The following GALNT9 variants were observed in gnomAD, a reference collection of about 807,000 sequenced individuals.
GALNT9 encodes GalNAc transferase 9.
Under a neutral mutation model 63.1 loss-of-function variants are expected in GALNT9, and 47 were observed. That is an observed-to-expected ratio of 0.75 (90% CI 0.59 to 0.95). The LOEUF is 0.95. Ranked by LOEUF, GALNT9 falls within the 40% of genes least tolerant of loss-of-function variation. The pLI is 0.00. For missense variants in GALNT9, 829 were observed against 874.8 expected, an observed-to-expected ratio of 0.95 and a Z score of 0.66; for synonymous variants, 396 against 365.7, an observed-to-expected ratio of 1.08 and a Z score of -0.94.
At chr12:132,317,688 C>T (rs28650030) in intron 1 of GALNT9, among the ~76,000 whole-genome samples, 203 of 152,354 alleles carry the variant, frequency 1.3e-3, no homozygotes, top group Middle Eastern at 3.4e-3. Flanking sequence ...AGACCCCCCT[C>T]GCTCAGTAGA....
intron 1 of GALNT9, among the ~76,000 whole-genome samples, chr12:132,303,191 C>T (rs907144246): frequency 7.9e-5 from 12 of 152,138 alleles, no homozygotes; most frequent in African/African-American, 2.2e-4. Flanking sequence ...CCTCCACCGC[C>T]GGGATGCAGT....
chr12:132,203,914 T>TCTTTCTCTTGTGC (rs1876429930), intron 6 of GALNT9, among the ~76,000 whole-genome samples: 1 of 151,944 alleles, frequency 6.6e-6, no homozygotes, highest in Admixed American at 6.5e-5. Context: ...CTCTGGGACT[T>TCTTTCTCTTGTGC]CTTTCTCTTG....
chr12:132,248,072 T>G (rs1555238254), intron 5 of GALNT9, 45 bp from the exon 6 acceptor site: 2 of 1,519,264 alleles, frequency 1.3e-6, no homozygotes, highest in South Asian at 2.6e-5. Context: ...CATGCAGGCC[T>G]GAGCCCTGCC....
rs185841749 is a variant in GALNT9 at position 132,197,945 on chromosome 12, G to A, written c.1512C>T (p.Ser504=). 521 of 1,609,716 alleles carry A rather than the reference G, an allele frequency of 3.2e-4. 3 individuals are homozygous for A. The highest frequency in any genetic ancestry group is 3.1e-3 in the African/African-American group (231 of 75,024). The change falls in exon 10 of 11, where the codon AGC becomes AGT. Residue 504 remains serine, a synonymous_variant. Coordinates refer to ENST00000328957, the MANE Select transcript of GALNT9 (RefSeq NM_001122636.2). ...HGMSSQLVRY[S]ADGLLQLGPL... ...GCCCCAGCTGCAGCAGTCCATCAGC[G>A]CTGTACCGCACCAGCTGGGGACAGG... is the stretch of plus-strand genomic sequence containing the variant.
Position 132,236,509 on chromosome 12 carries a change from C to T in GALNT9, c.1077+11401G>A, listed in dbSNP as rs1243318025. ...AATCATCACAGACGTGGGGGGATGG[C>T]GTCTCTCCCTCCCCCAGCCCTTTCC... is the stretch of plus-strand genomic sequence containing the variant. On this transcript the variant is annotated intron_variant, in intron 6 of 10. Transcript: ENST00000328957. The surrounding 1 kb of genome is among the most constrained non-coding windows in gnomAD (Gnocchi z 5.6). 6.6e-6 allele frequency among the ~76,000 whole-genome samples: 1 copy of T among 152,090 alleles called. No individual in the cohort carries two copies. The highest frequency in any genetic ancestry group is 2.1e-4 in the South Asian group (1 of 4,822).
chr12:132,239,083 G>A (rs1367641682), intron 6 of GALNT9, among the ~76,000 whole-genome samples: 1 of 151,702 alleles, frequency 6.6e-6, no homozygotes, highest in Non-Finnish European at 1.5e-5. Flanking sequence ...AAGCTTAGAA[G>A]AGAACGGGGG....
chr12:132,266,156 G>T lies in GALNT9; in HGVS notation c.420-3531C>A, dbSNP rs944075548. Among the ~76,000 whole-genome samples the T allele has an allele frequency of 1.3e-4, 20 of 151,060 alleles. No homozygotes were observed. In the East Asian group the frequency reaches 3.3e-3, roughly 25 times the overall value. On this transcript the variant is annotated intron_variant, in intron 2 of 10. Coordinates refer to ENST00000328957, the MANE Select transcript of GALNT9 (RefSeq NM_001122636.2). ...CGGGCCTGTCTGCCTTTACACGCCTGACCTCGCCGTATTTCATGAACAGGC... is the reference window on the plus strand; with the variant it reads ...CGGGCCTGTCTGCCTTTACACGCCTTACCTCGCCGTATTTCATGAACAGGC...
chr12:132,309,337 C>T (rs956280054), intron 1 of GALNT9, among the ~76,000 whole-genome samples: 3 of 152,162 alleles, frequency 2.0e-5, no homozygotes, highest in African/African-American at 4.8e-5. Context: ...GTGGACCTCA[C>T]GCAGCCGCCC....
chr12:132,304,629 CGGGG>C lies in GALNT9; in HGVS notation c.239-18203_239-18200del, dbSNP rs1881492240. ...CAGCCTCACCCGGGCACAGCCTCAC[CGGGG>C]CACACCCTCGCCCGGACACACCCTC... is the stretch of plus-strand genomic sequence containing the variant. On this transcript the variant is annotated intron_variant, in intron 1 of 10. Coordinates refer to ENST00000328957, the MANE Select transcript of GALNT9 (RefSeq NM_001122636.2). Among the ~76,000 whole-genome samples the C allele has an allele frequency of 7.4e-5, 3 of 40,342 alleles. 1 individual carries two copies. The highest frequency in any genetic ancestry group is 1.3e-4 in the Non-Finnish European group (3 of 22,824). 26.5% of individuals were successfully genotyped at this position (40,342 alleles called of 152,430 possible).
In GALNT9 at chr12:132,196,423, G is replaced by A. The variant is rs899653381; in HGVS notation, c.*684C>T. 8 of 985,108 alleles carry A rather than the reference G, an allele frequency of 8.1e-6. No homozygotes were observed. The highest frequency in any genetic ancestry group is 5.2e-4 in the Middle Eastern group (1 of 1,936). The allele number at this position is 985,108 out of a possible 1,614,324, so 61.0% of individuals were successfully genotyped here. A position where few individuals can be genotyped will look rare whatever the true frequency, so the allele number is the denominator to read the frequency against. ...TTTATTAAAACAGGCAAGGGGCTGG[G>A]CTGCGGCAGGGCCCAGGTGCCTGGG... is the stretch of plus-strand genomic sequence containing the variant. On this transcript the variant is annotated 3_prime_UTR_variant, in exon 11 of 11. Coordinates refer to ENST00000328957, the MANE Select transcript of GALNT9 (RefSeq NM_001122636.2).
rs757710977 is a variant in GALNT9, at chr12:132,203,634, G to A, written c.1134C>T (p.Ile378=). 1.3e-5 allele frequency: 21 copies of A among 1,613,786 alleles called. No individual in the cohort carries two copies. In the East Asian group the frequency reaches 2.7e-4, roughly 21 times the overall value. Residue 378 remains isoleucine (I), a synonymous_variant, in exon 7 of 11, where the codon ATC becomes ATT. Transcript: ENST00000328957. ...EVLPCSRVAH[I]ERTRKPYNND... is the part of the protein sequence containing the mutation. Reference sequence around the variant, plus strand: ...TGTTGTAGGGCTTCCTGGTGCGCTCGATGTGGGCCACGCGGGAGCAGGGCA... The same window carrying A: ...TGTTGTAGGGCTTCCTGGTGCGCTCAATGTGGGCCACGCGGGAGCAGGGCA...
At chr12:132,204,931 TCTC>T (rs1351281900) in intron 6 of GALNT9, among the ~76,000 whole-genome samples, 1 of 151,972 alleles carries the variant, frequency 6.6e-6, no homozygotes, top group African/African-American at 2.4e-5. Context: ...GCTTGCCTCA[TCTC>T]CTGAATCCCC....
chr12:132,314,773 A>G (rs927742022), intron 1 of GALNT9, among the ~76,000 whole-genome samples: 3 of 152,160 alleles, frequency 2.0e-5, no homozygotes, highest in Non-Finnish European at 2.9e-5. Context: ...TGTGAATCGG[A>G]TCAAACCCTC....
chr12:132,250,875 G>C (rs1878889291), intron 5 of GALNT9, among the ~76,000 whole-genome samples: 1 of 152,222 alleles, frequency 6.6e-6, no homozygotes, highest in Non-Finnish European at 1.5e-5. Flanking sequence ...GTGGAGTCGG[G>C]ACCCACATCC....
chr12:132,269,264 G>T (rs1555240505), intron 2 of GALNT9, among the ~76,000 whole-genome samples: 1 of 152,114 alleles, frequency 6.6e-6, no homozygotes, highest in African/African-American at 2.4e-5. Flanking sequence ...AATTTGCTCT[G>T]GGCTTGGTGA....
intron 1 of GALNT9, among the ~76,000 whole-genome samples, chr12:132,288,850 G>A (rs111585690): frequency 2.7e-5 from 4 of 146,096 alleles, no homozygotes; most frequent in East Asian, 2.0e-4. Flanking sequence ...CCCGATGCCC[G>A]GCGTTGGACC....
At position 132,307,167 on chromosome 12, in the gene GALNT9, G is replaced by A. The variant is rs954186371; in HGVS notation, c.239-20737C>T. Among the ~76,000 whole-genome samples the A allele has an allele frequency of 3.3e-5, 5 of 152,102 alleles. No individual in the cohort carries two copies. In the East Asian group the frequency reaches 5.8e-4, roughly 18 times the overall value. On this transcript the variant is annotated intron_variant, in intron 1 of 10. Coordinates refer to ENST00000328957, the MANE Select transcript of GALNT9 (RefSeq NM_001122636.2). ...GGCAATGGGGAGTGGTGGGGACTGC[G>A]GCTCAGACCCACGGATTACTGCCAC...
chr12:132,197,777 T>C lies in GALNT9; in HGVS notation c.1665+15A>G. ...CCCGCCCCAACCCCACGGCCCCCCT[T>C]CCCCAGAGGCTGACCTGGGTGAAGT... On this transcript the variant is annotated intron_variant, in intron 10 of 10. Coordinates refer to ENST00000328957, the MANE Select transcript of GALNT9 (RefSeq NM_001122636.2). The C allele has an allele frequency of 2.1e-6, 3 of 1,416,354 alleles. No homozygotes were observed. Among genetic ancestry groups the C allele is most frequent in the South Asian group, 1.2e-5 (1 of 82,054 alleles). The allele number at this position is 1,416,354 out of a possible 1,614,324, so 87.7% of individuals were successfully genotyped here.
At chr12:132,226,027 T>C in intron 6 of GALNT9, among the ~76,000 whole-genome samples, 2 of 91,978 alleles carry the variant, frequency 2.2e-5, no homozygotes, top group South Asian at 3.9e-4. Context: ...ACACCCCACA[T>C]ACACCCCATA....
Sources: gnomAD v4.1 joint callset for allele counts (sites outside exome capture counted in the v4.1 genomes callset) on GRCh38, gnomAD v4.1.1 for gene constraint, Gnocchi (gnomAD v3.1) non-coding constraint, MANE v1.5 for transcripts, NCBI Gene and HGNC (gene_info 2026-07-23, HGNC 2026-07-21) for gene names.